PRAG1: variants seen among roughly 807,000 people sequenced by gnomAD.
PRAG1 encodes the protein inactive tyrosine-protein kinase PRAG1.
A neutral mutation model predicts 95.6 loss-of-function variants in PRAG1; 110 were observed. The observed-to-expected ratio is 1.15, with a 90% CI of 0.99 to 1.35. The LOEUF (loss-of-function observed/expected upper bound fraction) is 1.35. PRAG1 is among the 40% of genes most tolerant of loss of function. The pLI, the probability that PRAG1 is intolerant of heterozygous loss-of-function variation, is 0.00. For missense variants in PRAG1, 2,554 were observed against 1,864.7 expected (o/e 1.37, Z -6.81); for synonymous variants, 1,052 against 819.4 (o/e 1.28, Z -4.85).
At chr8:8,361,616 T>G (rs1799850175) in intron 3 of PRAG1, among the ~76,000 whole-genome samples, 1 of 152,238 alleles carries the variant, frequency 6.6e-6, no homozygotes, top group Non-Finnish European at 1.5e-5. Flanking sequence ...AATCTATTTC[T>G]TCTTGTGATG....
chr8:8,321,588 CT>C (rs1218656630), intron 5 of PRAG1, among the ~76,000 whole-genome samples: 1 of 152,162 alleles, frequency 6.6e-6, no homozygotes, highest in Non-Finnish European at 1.5e-5. Context: ...ACTGTGCCAA[CT>C]GTGAGGGTTC....
At chr8:8,370,590 A>C (rs1800158357) in intron 3 of PRAG1, among the ~76,000 whole-genome samples, 1 of 152,232 alleles carries the variant, frequency 6.6e-6, no homozygotes, top group African/African-American at 2.4e-5. Context: ...TCTGTCATCC[A>C]TTATAGCAGA....
At chr8:8,345,033 A>G (rs1486839059) in intron 3 of PRAG1, among the ~76,000 whole-genome samples, 2 of 144,696 alleles carry the variant, frequency 1.4e-5, no homozygotes, top group Non-Finnish European at 3.1e-5. Context: ...ATTACAGGAT[A>G]AATTATCCGC....
At chr8:8,333,458 C>A (rs1412084669) in intron 4 of PRAG1, among the ~76,000 whole-genome samples, 1 of 152,096 alleles carries the variant, frequency 6.6e-6, no homozygotes, top group Non-Finnish European at 1.5e-5. Flanking sequence ...GGAAGGTGCA[C>A]TAGTTTGGTG....
intron 4 of PRAG1, among the ~76,000 whole-genome samples, chr8:8,336,156 GT>G (rs1798976921): frequency 1.3e-5 from 2 of 152,304 alleles, no homozygotes; most frequent in South Asian, 4.1e-4. Context: ...AATGGTTTCA[GT>G]TCAACAGAGA....
chr8:8,377,028 G>A lies in PRAG1; in HGVS notation c.1381C>T (p.Arg461Trp), dbSNP rs1177877580. The change falls in exon 3 of 6, where the codon CGG becomes TGG. Residue 461 changes from arginine (R) to tryptophan (W), a missense_variant. By Grantham distance (101) the Arg-to-Trp change is moderately radical. Coordinates refer to ENST00000615670, the MANE Select transcript of PRAG1 (RefSeq NM_001080826.3). ...WAQKAASGWGRDSPDPTPQVS... is the reference protein window; with the variant it reads ...WAQKAASGWGWDSPDPTPQVS... ...TGGGGAGTTGGGTCTGGGCTGTCCC[G>A]GCCCCAGCCAGATGCTGCTTTCTGG... The A allele has an allele frequency of 5.0e-6, 8 of 1,613,812 alleles. No homozygotes were observed. The highest frequency in any genetic ancestry group is 2.2e-5 in the East Asian group (1 of 44,892).
chr8:8,378,945 G>A (rs1563258575), intron 2 of PRAG1, among the ~76,000 whole-genome samples: 1 of 152,060 alleles, frequency 6.6e-6, no homozygotes, highest in Non-Finnish European at 1.5e-5. Flanking sequence ...GGAGGGTGAG[G>A]GGTGGTTTCT....
chr8:8,339,160 AG>A (rs1483067133), intron 4 of PRAG1, among the ~76,000 whole-genome samples: 5 of 152,188 alleles, frequency 3.3e-5, no homozygotes, highest in African/African-American at 9.7e-5. Flanking sequence ...ACCCATCCTG[AG>A]GACAGAAGTA....
In PRAG1 at chr8:8,363,062, T is replaced by G. The variant is rs56097010; in HGVS notation, c.2162+13185A>C. On this transcript the variant is annotated intron_variant, in intron 3 of 5. Coordinates refer to ENST00000615670, the MANE Select transcript of PRAG1 (RefSeq NM_001080826.3). Reference sequence around the variant, plus strand: ...GTATAAAGATATATATATATAGATATAGATATATAGATATATATATGTGTG... The same window carrying G: ...GTATAAAGATATATATATATAGATAGAGATATATAGATATATATATGTGTG... Among the ~76,000 whole-genome samples, 39 of 146,462 alleles carry G rather than the reference T, an allele frequency of 2.7e-4. No homozygotes were observed. In the East Asian group the frequency reaches 4.0e-3, roughly 15 times the overall value.
At chr8:8,346,090 A>G (rs1265429016) in intron 3 of PRAG1, among the ~76,000 whole-genome samples, 1 of 152,224 alleles carries the variant, frequency 6.6e-6, no homozygotes, top group East Asian at 1.9e-4. Flanking sequence ...GGATTGTTCT[A>G]TCAGATGTGA....
At position 8,318,677 on chromosome 8, in the gene PRAG1, T is replaced by C. The variant is rs765702152; in HGVS notation, c.3698A>G (p.Lys1233Arg). ...GGGGGCCAGCCGGGCCTGGCTCTTC[T>C]TCTGCTGCAGGTTTGGGGTGCCGCC... is the stretch of plus-strand genomic sequence containing the variant. ...KPGGTPNLQQ[K>R]KSQARLAPEI... The change falls in exon 6 of 6, where the codon AAG becomes AGG. Residue 1233 changes from lysine to arginine, a missense_variant. Transcript: ENST00000615670. This position sits in a 1 kb window ranked among gnomAD's most constrained non-coding sequence, Gnocchi z 4.2. The C allele has an allele frequency of 3.1e-6, 5 of 1,611,336 alleles. No individual in the cohort carries two copies. The South Asian group carries it at 4.4e-5, about 14-fold the overall frequency.
chr8:8,370,026 T>C (rs1800140856), intron 3 of PRAG1, among the ~76,000 whole-genome samples: 1 of 152,242 alleles, frequency 6.6e-6, no homozygotes, highest in African/African-American at 2.4e-5. Context: ...CACTCAAAAG[T>C]AGACAATTAA....
chr8:8,377,408 G>T lies in PRAG1; in HGVS notation c.1001C>A (p.Ala334Asp). The T allele has an allele frequency of 6.4e-7, 1 of 1,574,516 alleles. No homozygotes were observed. The change falls in exon 3 of 6, where the codon GCT (alanine) becomes GAT (aspartate). Residue 334 changes from alanine to aspartate, a missense_variant. By Grantham distance (126) the Ala-to-Asp change is moderately radical. Transcript: ENST00000615670. ...GPKKLSLTSE[A>D]AISSDGLSCG... is the part of the protein sequence containing the mutation. ...AGAGAGGCCGTCGGAAGAAATGGCA[G>T]CCTCCGAGGTGAGGGACAGTTTCTT... is the stretch of plus-strand genomic sequence containing the variant.
chr8:8,379,047 C>T (rs181105815), intron 2 of PRAG1, among the ~76,000 whole-genome samples: 11 of 136,504 alleles, frequency 8.1e-5, no homozygotes, highest in East Asian at 4.4e-4. Context: ...GCTTCTGAAC[C>T]GGATCAGAGT....
chr8:8,329,690 T>C (rs1798757964), intron 4 of PRAG1, among the ~76,000 whole-genome samples: 2 of 152,230 alleles, frequency 1.3e-5, no homozygotes, highest in Admixed American at 1.3e-4. Context: ...TAGCTCACAC[T>C]GAGCCCTTCT....
In PRAG1 at chr8:8,318,420, C is replaced by A; in HGVS notation, c.3955G>T (p.Gly1319Cys). 1.2e-6 allele frequency: 2 copies of A among 1,613,050 alleles called. No homozygotes were observed. The highest frequency in any genetic ancestry group is 1.7e-6 in the Non-Finnish European group (2 of 1,179,764). Reference sequence around the variant, plus strand: ...CACTGCAGCACGCGCTTGGCCTCGCCGATGCGGATACGCTTGATGGGGTCG... The same window carrying A: ...CACTGCAGCACGCGCTTGGCCTCGCAGATGCGGATACGCTTGATGGGGTCG... ...EADPIKRIRIGEAKRVLQCLL... is the reference protein window; with the variant it reads ...EADPIKRIRICEAKRVLQCLL... Residue 1319 changes from glycine (G) to cysteine (C), a missense_variant, in exon 6 of 6, where the codon GGC (glycine) becomes TGC (cysteine). By Grantham distance (159) the Gly-to-Cys change is radical. Coordinates refer to ENST00000615670, the MANE Select transcript of PRAG1 (RefSeq NM_001080826.3). This position sits in a 1 kb window ranked among gnomAD's most constrained non-coding sequence, Gnocchi z 4.2.
rs769638711 is a variant in PRAG1 at position 8,376,672 on chromosome 8, G to C, written c.1737C>G (p.Gly579=). ...PLADLSDGSS[G]GSSIGPQPPS... ...GAGGCTGGGGCCCAATGCTGCTGCC[G>C]CCAGAGCTCCCATCACTAAGGTCAG... Residue 579 remains glycine (G), a synonymous_variant, in exon 3 of 6, where the codon GGC becomes GGG. Coordinates refer to ENST00000615670, the MANE Select transcript of PRAG1 (RefSeq NM_001080826.3). 39 of 1,611,096 alleles carry C rather than the reference G, an allele frequency of 2.4e-5. No homozygotes were observed. Among genetic ancestry groups the C allele is most frequent in the Non-Finnish European group, 3.1e-5 (36 of 1,179,462 alleles).
At chr8:8,382,416 G>A (rs890669881) in intron 1 of PRAG1, among the ~76,000 whole-genome samples, 1 of 152,204 alleles carries the variant, frequency 6.6e-6, no homozygotes, top group Non-Finnish European at 1.5e-5. Context: ...GTGGGGTGCT[G>A]GCCTGTCCTC....
intron 4 of PRAG1, among the ~76,000 whole-genome samples, chr8:8,331,474 T>C (rs1377902236): frequency 6.6e-6 from 1 of 152,134 alleles, no homozygotes; most frequent in Non-Finnish European, 1.5e-5. Context: ...TTTCAGCTAC[T>C]CTCTCCATTT....
Sources: allele counts gnomAD v4.1 joint callset (sites outside exome capture counted in the v4.1 genomes callset), GRCh38; gene constraint gnomAD v4.1.1; non-coding constraint Gnocchi (gnomAD v3.1); transcripts MANE v1.5; gene names NCBI Gene and HGNC (gene_info 2026-07-23, HGNC 2026-07-21).